AMBRA1: variants seen among roughly 807,000 people sequenced by gnomAD.
AMBRA1 encodes activating molecule in BECN1-regulated autophagy protein 1.
In AMBRA1, 47 loss-of-function variants were observed where a neutral mutation model predicts 125.4. The observed-to-expected ratio is 0.37, with a 90% confidence interval of 0.30 to 0.48. The LOEUF (loss-of-function observed/expected upper bound fraction) is 0.48. Ranked by LOEUF, AMBRA1 falls within the 20% of genes least tolerant of loss-of-function variation. The pLI is 0.99. For missense variants in AMBRA1, 1,331 were observed against 1,693.4 expected, an observed-to-expected ratio of 0.79 and a Z score of 3.76; for synonymous variants, 626 against 655.5, an observed-to-expected ratio of 0.95 and a Z score of 0.69.
intron 7 of AMBRA1, among the ~76,000 whole-genome samples, chr11:46,520,177 G>C (rs1951697138): frequency 6.7e-6 from 1 of 150,296 alleles, no homozygotes; most frequent in South Asian, 2.1e-4. Context: ...CTCCTAAAGA[G>C]ATTTCATTTG....
At chr11:46,568,310 T>C (rs2043614197) in intron 1 of AMBRA1, among the ~76,000 whole-genome samples, 1 of 151,172 alleles carries the variant, frequency 6.6e-6, no homozygotes, top group Non-Finnish European at 1.5e-5. Flanking sequence ...ATACAAAAAT[T>C]AGCCGGGAGT....
At chr11:46,570,777 TAAC>T (rs1484888754) in intron 1 of AMBRA1, among the ~76,000 whole-genome samples, 1 of 152,148 alleles carries the variant, frequency 6.6e-6, no homozygotes, top group Non-Finnish European at 1.5e-5. Flanking sequence ...TCAAGACAGT[TAAC>T]AAGCATGTAG....
In AMBRA1 at chr11:46,494,127, G is replaced by T. The variant is rs1009253916; in HGVS notation, c.2417C>A (p.Pro806Gln). 1.9e-6 allele frequency: 3 copies of T among 1,604,960 alleles called. No homozygotes were observed. Among genetic ancestry groups the T allele is most frequent in the Non-Finnish European group, 2.6e-6 (3 of 1,174,980 alleles). ...TTGCTAGCAACTCGGTTCTTACCTT[G>T]GGACAAAGCGTCCAAGCGAAGGTGC... ...MSAPSLGRFV[P>Q]RRFLLPEYLP... is the part of the protein sequence containing the mutation. Residue 806 changes from proline to glutamine, a missense_variant, in exon 10 of 18, where the codon CCA (proline) becomes CAA (glutamine). By Grantham distance (76) the Pro-to-Gln change is moderately conservative. Coordinates refer to ENST00000683756, the MANE Select transcript of AMBRA1 (RefSeq NM_001387011.1).
At chr11:46,585,044 G>A (rs1024079680) in intron 1 of AMBRA1, among the ~76,000 whole-genome samples, 1 of 151,636 alleles carries the variant, frequency 6.6e-6, no homozygotes, top group African/African-American at 2.4e-5. Flanking sequence ...ACTCCAGCCT[G>A]GGCGACTGTG....
chr11:46,484,434 A>C (rs1375178497), intron 11 of AMBRA1, among the ~76,000 whole-genome samples: 1 of 152,228 alleles, frequency 6.6e-6, no homozygotes, highest in African/African-American at 2.4e-5. Context: ...CAGTAATTCC[A>C]AGGAGCACAC....
At chr11:46,537,717 C>T (rs1467439708) in intron 7 of AMBRA1, among the ~76,000 whole-genome samples, 1 of 152,226 alleles carries the variant, frequency 6.6e-6, no homozygotes, top group Non-Finnish European at 1.5e-5. Context: ...TGGCAGCACA[C>T]AGCTACACTG....
At chr11:46,442,638 C>A (rs1805170458) in intron 12 of AMBRA1, among the ~76,000 whole-genome samples, 1 of 152,136 alleles carries the variant, frequency 6.6e-6, no homozygotes, top group Non-Finnish European at 1.5e-5. Context: ...ATGTGGACTG[C>A]AGACTTCACT....
chr11:46,442,150 G>GT lies in AMBRA1; in HGVS notation c.2632+1337dup, dbSNP rs200196528. ...CATGCTCAATTAATTGTGTGTTTTT[G>GT]TTTTTTTTTGGAGATAGGGTGTCAC... is the stretch of plus-strand genomic sequence containing the variant. On this transcript the variant is annotated intron_variant, in intron 12 of 17. Transcript: ENST00000683756. Among the ~76,000 whole-genome samples, 1,398 of 147,834 alleles carry GT rather than the reference G, an allele frequency of 9.5e-3. 18 individuals carry two copies. Among genetic ancestry groups the GT allele is most frequent in the African/African-American group, 0.033 (1,313 of 40,106 alleles).
chr11:46,447,775 GATA>G (rs1948376664), intron 11 of AMBRA1, among the ~76,000 whole-genome samples: 1 of 115,596 alleles, frequency 8.7e-6, no homozygotes, highest in East Asian at 2.5e-4. Flanking sequence ...TAGATAGATA[GATA>G]GTGATGGCAA....
Position 46,517,470 on chromosome 11 carries a change from GTTTTTTT to G in AMBRA1, c.2073-4664_2073-4658del, listed in dbSNP as rs768814141. Among the ~76,000 whole-genome samples, 530 of 96,138 alleles carry G rather than the reference GTTTTTTT, an allele frequency of 5.5e-3. 6 individuals carry two copies. Among genetic ancestry groups the G allele is most frequent in the African/African-American group, 0.023 (510 of 21,964 alleles). 63.1% of individuals were successfully genotyped at this position (96,138 alleles called of 152,430 possible). A position where few individuals can be genotyped will look rare whatever the true frequency, so the allele number is the denominator to read the frequency against. ...GGCTAGAAAGCATTTTATTAATAAG[GTTTTTTT>G]TTTTTTTTTTTTTTTTTTTTAAGTC... On this transcript the variant is annotated intron_variant, in intron 7 of 17. Transcript: ENST00000683756.
chr11:46,546,032 T>TA, intron 4 of AMBRA1: 1 of 266,920 alleles, frequency 3.7e-6, no homozygotes, highest in Non-Finnish European at 7.0e-6. Context: ...AGTTCCTATT[T>TA]CTTTTTTTTT....
intron 15 of AMBRA1, among the ~76,000 whole-genome samples, chr11:46,411,183 G>A (rs546446566): frequency 2.6e-5 from 4 of 151,208 alleles, no homozygotes; most frequent in East Asian, 1.9e-4. Flanking sequence ...CCCCTGGGGC[G>A]GCCTGAGCGG....
chr11:46,574,352 G>A (rs1283834459), intron 1 of AMBRA1, among the ~76,000 whole-genome samples: 2 of 149,950 alleles, frequency 1.3e-5, no homozygotes, highest in African/African-American at 5.0e-5. Flanking sequence ...TTTAATGATT[G>A]CCATTCTAAC....
chr11:46,536,413 G>C (rs1481317054), intron 7 of AMBRA1, among the ~76,000 whole-genome samples: 1 of 152,240 alleles, frequency 6.6e-6, no homozygotes, highest in Admixed American at 6.5e-5. Flanking sequence ...AAGGGACACG[G>C]TGACAGCTGT....
At chr11:46,520,282 A>T (rs1292654382) in intron 7 of AMBRA1, among the ~76,000 whole-genome samples, 4 of 152,214 alleles carry the variant, frequency 2.6e-5, no homozygotes, top group Non-Finnish European at 1.5e-5. Flanking sequence ...AGCCATCAGG[A>T]TGATAGCCTC....
chr11:46,497,967 C>T (rs1215559719), intron 9 of AMBRA1, among the ~76,000 whole-genome samples: 1 of 152,102 alleles, frequency 6.6e-6, no homozygotes, highest in Admixed American at 6.5e-5. Flanking sequence ...TAGAAGAGCA[C>T]AGGAATTAAA....
At chr11:46,540,777 G>A in intron 7 of AMBRA1, among the ~76,000 whole-genome samples, 1 of 152,168 alleles carries the variant, frequency 6.6e-6, no homozygotes, top group East Asian at 1.9e-4. Flanking sequence ...TGAAGCATTT[G>A]CTCATCTATA....
intron 14 of AMBRA1, among the ~76,000 whole-genome samples, chr11:46,421,700 A>G (rs1458355933): frequency 6.6e-6 from 1 of 152,114 alleles, no homozygotes; most frequent in Non-Finnish European, 1.5e-5. Flanking sequence ...GAAGGGAAAT[A>G]CCTCTCACAA....
At chr11:46,583,850 A>G (rs2044271347) in intron 1 of AMBRA1, among the ~76,000 whole-genome samples, 2 of 147,548 alleles carry the variant, frequency 1.4e-5, no homozygotes, top group Admixed American at 6.8e-5. Flanking sequence ...TTAGAATGGC[A>G]ATCATTAAAA....
Sources: gnomAD v4.1 joint callset for allele counts (sites outside exome capture counted in the v4.1 genomes callset) on GRCh38, gnomAD v4.1.1 for gene constraint, MANE v1.5 for transcripts, NCBI Gene and HGNC (gene_info 2026-07-23, HGNC 2026-07-21) for gene names.